CAD: variants seen among roughly 807,000 people sequenced by gnomAD.
The protein encoded by CAD is carbamoyl-phosphate synthetase 2, aspartate transcarbamylase, and dihydroorotase, also known as multifunctional protein CAD.
In CAD, 81 loss-of-function variants were observed where a neutral mutation model predicts 237.2. That is an observed-to-expected ratio of 0.34 (90% CI 0.29 to 0.41). CAD has a LOEUF of 0.41. CAD is among the 10% of genes least tolerant of loss of function. The pLI, the probability that CAD is intolerant of heterozygous loss-of-function variation, is 1.00. For synonymous variants in CAD, 1,196 were observed against 1,162.8 expected (o/e 1.03, Z -0.58); for missense variants, 2,181 against 2,951.7 (o/e 0.74, Z 6.05).
Position 27,241,116 on chromosome 2 carries a change from A to G in CAD, c.5697A>G (p.Ala1899=). The G allele has an allele frequency of 6.2e-7, 1 of 1,609,466 alleles. No homozygotes were observed. The highest frequency in any genetic ancestry group is 8.5e-7 in the Non-Finnish European group (1 of 1,178,032). ...CTCCACCACCAGTACCGAGACAGGC[A>G]TCTCCCCAGAACCTGGGGACCCCTG... is the stretch of plus-strand genomic sequence containing the variant. ...CYPPPPVPRQ[A]SPQNLGTPGL... The change falls in exon 37 of 44, where the codon GCA becomes GCG. Residue 1899 remains alanine, a synonymous_variant. Transcript: ENST00000264705. The surrounding 1 kb of genome is among the most constrained non-coding windows in gnomAD (Gnocchi z 4.6).
rs752013615 is a variant in CAD at position 27,240,228 on chromosome 2, A to G, written c.5497-37A>G. The G allele has an allele frequency of 7.1e-6, 11 of 1,549,878 alleles. No individual in the cohort carries two copies. The highest frequency in any genetic ancestry group is 1.8e-6 in the Non-Finnish European group (2 of 1,137,752). On this transcript the variant is annotated intron_variant, in intron 34 of 43. Coordinates refer to ENST00000264705, the MANE Select transcript of CAD (RefSeq NM_004341.5). This position sits in a 1 kb window ranked among gnomAD's most constrained non-coding sequence, Gnocchi z 4.6. ...AACGAGACTCCGTCTCAAAAGAAAA[A>G]AAAAAAAACAACTCTGGGCCAACGT...
intron 15 of CAD, among the ~76,000 whole-genome samples, chr2:27,228,988 G>T (rs1163702661): frequency 6.9e-6 from 1 of 144,850 alleles, no homozygotes; most frequent in African/African-American, 2.6e-5. Flanking sequence ...GTGCTATCTC[G>T]GCTCACTGCA....
chr2:27,233,655 G>T lies in CAD; in HGVS notation c.3246G>T (p.Gly1082=), dbSNP rs764472196. The part of the protein sequence containing the change: ...ESARQFCQTV[G]YPCVVRPSYV... ...CTCGCCAATTCTGCCAGACCGTGGGGTACCCCTGTGTGGTGCGCCCCTCCT... is the reference window on the plus strand; with the variant it reads ...CTCGCCAATTCTGCCAGACCGTGGGTTACCCCTGTGTGGTGCGCCCCTCCT... Residue 1082 remains glycine, a synonymous_variant, in exon 21 of 44, where the codon GGG becomes GGT. Coordinates refer to ENST00000264705, the MANE Select transcript of CAD (RefSeq NM_004341.5). This position sits in a 1 kb window ranked among gnomAD's most constrained non-coding sequence, Gnocchi z 6.3. 3 of 1,614,164 alleles carry T rather than the reference G, an allele frequency of 1.9e-6. No homozygotes were observed. The Admixed American group carries it at 5.0e-5, about 27-fold the overall frequency.
At chr2:27,222,766 A>C (rs1307257225) in intron 5 of CAD, 100 bp from the exon 6 acceptor site, 1 of 1,571,448 alleles carries the variant, frequency 6.4e-7, no homozygotes, top group East Asian at 2.3e-5. Flanking sequence ...TGAAGAAGAT[A>C]GACATTGGGA....
intron 3 of CAD, among the ~76,000 whole-genome samples, chr2:27,221,610 C>G (rs969690427): frequency 7.9e-5 from 12 of 152,124 alleles, no homozygotes; most frequent in Admixed American, 3.9e-4. Flanking sequence ...ATGCAAATCT[C>G]AGACATCATA....
At position 27,238,630 on chromosome 2, in the gene CAD, A is replaced by G. The variant is rs771233542; in HGVS notation, c.5060A>G (p.His1687Arg). 6.2e-6 allele frequency: 10 copies of G among 1,607,218 alleles called. No homozygotes were observed. The Admixed American group carries it at 6.8e-5, about 11-fold the overall frequency. Residue 1687 changes from histidine to arginine, a missense_variant and splice_region_variant, in exon 31 of 44, where the codon CAT becomes CGT. Transcript: ENST00000264705. The stretch of plus-strand genomic sequence containing the variant: ...GTCATCGACTGCTTTGCCTCAGACC[A>G]TGGTGAGAGAATCCAGCATGTACCT... ...MAVIDCFASD[H>R]APHTLEEKCG...
At position 27,222,495 on chromosome 2, in the gene CAD, G is replaced by A. The variant is rs200577480; in HGVS notation, c.496-24G>A. ...CCACTGAGCACAGCTGCCAACTGTT[G>A]CCCTTTATTCGTCTATTTCTCAGAC... On this transcript the variant is annotated intron_variant, in intron 4 of 43. Coordinates refer to ENST00000264705, the MANE Select transcript of CAD (RefSeq NM_004341.5). 4.8e-5 allele frequency: 77 copies of A among 1,611,068 alleles called. No individual in the cohort carries two copies. In the African/African-American group the frequency reaches 9.1e-4, roughly 19 times the overall value.
At chr2:27,229,054 G>A (rs1675591655) in intron 15 of CAD, among the ~76,000 whole-genome samples, 1 of 151,638 alleles carries the variant, frequency 6.6e-6, no homozygotes, top group Non-Finnish European at 1.5e-5. Flanking sequence ...GAGTAGCTGG[G>A]ACTACAGGCG....
intron 15 of CAD, 62 bp from the exon 16 acceptor site, chr2:27,231,406 C>T: frequency 1.1e-6 from 1 of 890,786 alleles, no homozygotes. Context: ...GCATTATGGG[C>T]AGTGCCTTCT....
intron 1 of CAD, 39 bp downstream of exon 1, chr2:27,217,672 C>A: frequency 6.6e-7 from 1 of 1,522,610 alleles, no homozygotes; most frequent in Non-Finnish European, 8.9e-7. Flanking sequence ...TTATCCCACT[C>A]TGTGATGCGC....
intron 6 of CAD, 111 bp from the exon 7 acceptor site, chr2:27,223,452 A>T: frequency 1.0e-6 from 1 of 997,760 alleles, no homozygotes; most frequent in Non-Finnish European, 1.5e-6. Context: ...AAAAACAAAA[A>T]GGAAACAGGA....
rs1268419691 is a variant in CAD at position 27,236,436 on chromosome 2, C to T, written c.4227C>T (p.Val1409=). The T allele has an allele frequency of 3.1e-6, 5 of 1,614,176 alleles. No individual in the cohort carries two copies. The African/African-American group carries it at 5.3e-5, about 17-fold the overall frequency. Residue 1409 remains valine (V), a synonymous_variant, in exon 26 of 44, where the codon GTC becomes GTT. Transcript: ENST00000264705. The surrounding 1 kb of genome is among the most constrained non-coding windows in gnomAD (Gnocchi z 4.1). ...GGGGCCGGCGTCTCTCTTCCTTTGT[C>T]ACCAAGGGCTACCGCACCCGACGCT... ...GAGGRRLSSF[V]TKGYRTRRLA... is the part of the protein sequence containing the mutation.
rs368566018 is a variant in CAD at position 27,243,895 on chromosome 2, C to T, written c.*377C>T. 3.5e-5 allele frequency: 7 copies of T among 202,510 alleles called. No individual in the cohort carries two copies. The highest frequency in any genetic ancestry group is 5.3e-5 in the Admixed American group (1 of 19,038). The allele number at this position is 202,510 out of a possible 1,614,324, so 12.5% of individuals were successfully genotyped here. A position where few individuals can be genotyped will look rare whatever the true frequency, so the allele number is the denominator to read the frequency against. On this transcript the variant is annotated 3_prime_UTR_variant, in exon 44 of 44. Coordinates refer to ENST00000264705, the MANE Select transcript of CAD (RefSeq NM_004341.5). Reference sequence around the variant, plus strand: ...CTGGCTAGGGCTGCGTGCCCACACTCGGCATTTTCACACTCGTGACTCTTT... The same window carrying T: ...CTGGCTAGGGCTGCGTGCCCACACTTGGCATTTTCACACTCGTGACTCTTT...
At chr2:27,238,741 T>G in intron 31 of CAD, 109 bp downstream of exon 31, 1 of 1,023,840 alleles carries the variant, frequency 9.8e-7, no homozygotes, top group Non-Finnish European at 1.4e-6. Flanking sequence ...GACAGGGTCT[T>G]GATCCGTATG....
intron 43 of CAD, 50 bp from the exon 44 acceptor site, chr2:27,243,366 C>A: frequency 1.2e-6 from 2 of 1,601,988 alleles, no homozygotes; most frequent in Non-Finnish European, 1.7e-6. Context: ...GACAAGCCAT[C>A]CATGGGCTGC....
rs1312782429 is a variant in CAD, at chr2:27,242,815, T to C, written c.6378+40T>C. The C allele has an allele frequency of 2.5e-6, 4 of 1,613,914 alleles. No individual in the cohort carries two copies. The highest frequency in any genetic ancestry group is 3.4e-6 in the Non-Finnish European group (4 of 1,179,926). ...GCCCTGCCTGGAAGCCATGGAGATG[T>C]GGGTTGGGCAGTCAGAGCCCAGCGC... On this transcript the variant is annotated intron_variant, in intron 41 of 43. Coordinates refer to ENST00000264705, the MANE Select transcript of CAD (RefSeq NM_004341.5). The surrounding 1 kb of genome is among the most constrained non-coding windows in gnomAD (Gnocchi z 6.4).
rs1162252561 is a variant in CAD, at chr2:27,231,573, G to A, written c.2393G>A (p.Ser798Asn). The change falls in exon 16 of 44, where the codon AGC becomes AAC. Residue 798 changes from serine (S) to asparagine (N), a missense_variant. Transcript: ENST00000264705. ...TTTGATCACACAGTGAAACCAGTCA[G>A]CGATATGGTAAGTAGCTCCCCTCCC... ...VGFDHTVKPV[S>N]DMELETPTDK... 1.2e-6 allele frequency: 2 copies of A among 1,605,578 alleles called. No homozygotes were observed. The highest frequency in any genetic ancestry group is 1.7e-6 in the Non-Finnish European group (2 of 1,172,286).
In CAD at chr2:27,239,097, G is replaced by A. The variant is rs1482332987; in HGVS notation, c.5118G>A (p.Gly1706=). 3 of 1,609,758 alleles carry A rather than the reference G, an allele frequency of 1.9e-6. No homozygotes were observed. In the African/African-American group the frequency reaches 4.0e-5, roughly 22 times the overall value. The change falls in exon 32 of 44, where the codon GGG becomes GGA. Residue 1706 remains glycine, a synonymous_variant. Transcript: ENST00000264705. The surrounding 1 kb of genome is among the most constrained non-coding windows in gnomAD (Gnocchi z 4.0). The part of the protein sequence containing the change: ...CGSRPPPGFP[G]LETMLPLLLT... ...CCAGGCCCCCACCTGGGTTCCCAGGGTTAGAGACCATGCTGCCACTACTCC... is the reference window on the plus strand; with the variant it reads ...CCAGGCCCCCACCTGGGTTCCCAGGATTAGAGACCATGCTGCCACTACTCC...
At position 27,242,117 on chromosome 2, in the gene CAD, A is replaced by G. The variant is rs752348284; in HGVS notation, c.6090A>G (p.Ala2030=). 6.2e-7 allele frequency: 1 copy of G among 1,612,646 alleles called. No homozygotes were observed. Among genetic ancestry groups the G allele is most frequent in the Non-Finnish European group, 8.5e-7 (1 of 1,179,874 alleles). The change falls in exon 39 of 44, where the codon GCA becomes GCG. Residue 2030 remains alanine (A), a synonymous_variant. Transcript: ENST00000264705. The surrounding 1 kb of genome is among the most constrained non-coding windows in gnomAD (Gnocchi z 6.4). Reference sequence around the variant, plus strand: ...TGCTCCGGCACCCCCAGCCTGGAGCAGTGGAGGTGAGGCCAGCCTGGGTAC... The same window carrying G: ...TGCTCCGGCACCCCCAGCCTGGAGCGGTGGAGGTGAGGCCAGCCTGGGTAC... The part of the protein sequence containing the change: ...VVVLRHPQPG[A]VELAAKHCRR...
Sources: allele counts gnomAD v4.1 joint callset (sites outside exome capture counted in the v4.1 genomes callset), GRCh38; gene constraint gnomAD v4.1.1; non-coding constraint Gnocchi (gnomAD v3.1); transcripts MANE v1.5; gene names NCBI Gene and HGNC (gene_info 2026-07-23, HGNC 2026-07-21).